The following ASCC1 variants were observed in gnomAD, a reference collection of about 807,000 sequenced individuals.
ASCC1 encodes the protein ASC-1 complex subunit P50.
Under a neutral mutation model 46.6 loss-of-function variants are expected in ASCC1, and 35 were observed. The observed-to-expected ratio is 0.75, with a 90% CI of 0.57 to 0.99. The LOEUF is 0.99. Among genes scored for constraint, ASCC1 ranks in the 50% least tolerant of loss-of-function variants. The pLI, the probability that ASCC1 is intolerant of heterozygous loss-of-function variation, is 0.00. For missense variants in ASCC1, 376 were observed against 428.7 expected (o/e 0.88, Z 1.09); for synonymous variants, 143 against 146.6 (o/e 0.98, Z 0.18).
chr10:72,128,467 G>A (rs1845156848), intron 8 of ASCC1, among the ~76,000 whole-genome samples: 1 of 152,136 alleles, frequency 6.6e-6, no homozygotes, highest in East Asian at 1.9e-4. Context: ...TGTCTCCATT[G>A]TGGACCTTAG....
At chr10:72,212,897 C>A (rs1237749261) in intron 2 of ASCC1, among the ~76,000 whole-genome samples, 1 of 152,006 alleles carries the variant, frequency 6.6e-6, no homozygotes, top group African/African-American at 2.4e-5. Flanking sequence ...TACAACGGAA[C>A]TTAATTTTGT....
chr10:72,106,273 A>G (rs1269742827), intron 9 of ASCC1, among the ~76,000 whole-genome samples: 1 of 151,676 alleles, frequency 6.6e-6, no homozygotes, highest in Non-Finnish European at 1.5e-5. Flanking sequence ...CATGAGATAA[A>G]CCAACCTTTA....
At chr10:72,098,392 G>A (rs1280824024) in intron 9 of ASCC1, among the ~76,000 whole-genome samples, 2 of 152,178 alleles carry the variant, frequency 1.3e-5, no homozygotes, top group Admixed American at 6.5e-5. Flanking sequence ...AGGGTCTCTC[G>A]CTTTGTTGCC....
chr10:72,214,747 A>C (rs1858841028), intron 1 of ASCC1, among the ~76,000 whole-genome samples: 1 of 152,180 alleles, frequency 6.6e-6, no homozygotes, highest in Admixed American at 6.5e-5. Flanking sequence ...CCAGAAAAAA[A>C]AAAGCCCCTA....
intron 3 of ASCC1, chr10:72,204,518 A>G (rs1448636167): frequency 6.5e-7 from 1 of 1,549,218 alleles, no homozygotes; most frequent in Admixed American, 2.0e-5. Context: ...ACCGAATCCC[A>G]AGAGAGAAGT....
Position 72,128,158 on chromosome 10 carries a change from C to T in ASCC1, c.881G>A (p.Arg294Lys). ...GCCTTCCGCTGTGTAGAGATTGTAC[C>T]TGCCTTCAGCTGTAAATATTCCAAA... ...LFRKDPNAEG[R>K]YNLYTAEGKY... The change falls in exon 9 of 10, where the codon AGG becomes AAG. Residue 294 changes from arginine (R) to lysine (K), a missense_variant. Arg to Lys is a conservative substitution (Grantham distance 26). Coordinates refer to ENST00000672957, the MANE Select transcript of ASCC1 (RefSeq NM_001198800.3). The T allele has an allele frequency of 1.9e-6, 3 of 1,612,506 alleles. No individual in the cohort carries two copies. The highest frequency in any genetic ancestry group is 2.5e-6 in the Non-Finnish European group (3 of 1,178,718).
intron 5 of ASCC1, among the ~76,000 whole-genome samples, chr10:72,195,143 T>G (rs1855188767): frequency 9.4e-6 from 1 of 106,574 alleles, no homozygotes; most frequent in African/African-American, 7.6e-5. Context: ...TGCTGTGTTT[T>G]TTTTTTTTTT....
intron 9 of ASCC1, among the ~76,000 whole-genome samples, chr10:72,121,133 G>A (rs1844148540): frequency 6.6e-6 from 1 of 151,830 alleles, no homozygotes; most frequent in Non-Finnish European, 1.5e-5. Flanking sequence ...GTCTATAAGA[G>A]ACCGACTTTT....
At chr10:72,196,672 A>T in intron 5 of ASCC1, 139 bp downstream of exon 5, 1 of 863,318 alleles carries the variant, frequency 1.2e-6, no homozygotes, top group Non-Finnish European at 1.8e-6. Context: ...TCAGTTCAAT[A>T]TAAGAAGCCA....
At chr10:72,169,432 C>A (rs1434276102) in intron 5 of ASCC1, among the ~76,000 whole-genome samples, 1 of 151,818 alleles carries the variant, frequency 6.6e-6, no homozygotes, top group Admixed American at 6.6e-5. Context: ...AGAGCAAGAT[C>A]CTGTCTCAAA....
At position 72,210,899 on chromosome 10, in the gene ASCC1, C is replaced by G. The variant is rs548600690; in HGVS notation, c.113-68G>C. The G allele has an allele frequency of 1.2e-4, 169 of 1,446,618 alleles. No individual in the cohort carries two copies. In the African/African-American group the frequency reaches 2.1e-3, roughly 18 times the overall value. The allele number at this position is 1,446,618 out of a possible 1,614,324, so 89.6% of individuals were successfully genotyped here. ...CTGTGGACAACAGCTTTCGCCTCAG[C>G]TGTCAACCGCTGTTGAGGTTTAAAA... On this transcript the variant is annotated intron_variant, in intron 2 of 9. Transcript: ENST00000672957.
In ASCC1 at chr10:72,115,606, G is replaced by A. The variant is rs1040023643; in HGVS notation, c.957+12476C>T. 3.9e-5 allele frequency among the ~76,000 whole-genome samples: 6 copies of A among 152,282 alleles called. No homozygotes were observed. The South Asian group carries it at 1.2e-3, about 32-fold the overall frequency. ...AAGCCAAGAGAAGAAAGCATTTGAAGGAGAAAAGGGCTTAACACTCTCAGT... is the reference window on the plus strand; with the variant it reads ...AAGCCAAGAGAAGAAAGCATTTGAAAGAGAAAAGGGCTTAACACTCTCAGT... On this transcript the variant is annotated intron_variant, in intron 9 of 9. Transcript: ENST00000672957.
At chr10:72,204,522 G>C in intron 3 of ASCC1, 1 of 1,550,122 alleles carries the variant, frequency 6.5e-7, no homozygotes, top group Non-Finnish European at 8.7e-7. Context: ...AATCCCAAGA[G>C]AGAAGTTTCA....
chr10:72,198,678 A>T, intron 4 of ASCC1: 1 of 456,102 alleles, frequency 2.2e-6, no homozygotes, highest in Non-Finnish European at 4.4e-6. Context: ...AATTTAGGAG[A>T]CACAAAAGAA....
chr10:72,151,021 T>C lies in ASCC1; in HGVS notation c.746+1848A>G, dbSNP rs527335724. Among the ~76,000 whole-genome samples the C allele has an allele frequency of 3.1e-3, 477 of 152,346 alleles. 2 individuals are homozygous for C. The highest frequency in any genetic ancestry group is 0.011 in the African/African-American group (452 of 41,576). On this transcript the variant is annotated intron_variant, in intron 7 of 9. Coordinates refer to ENST00000672957, the MANE Select transcript of ASCC1 (RefSeq NM_001198800.3). ...TGGGAATGTAAACTAGTTCAACCAC[T>C]GTGGAAGACAGTGTGGTGATTCCTC... is the stretch of plus-strand genomic sequence containing the variant.
chr10:72,141,293 T>C (rs1176838685), intron 7 of ASCC1, among the ~76,000 whole-genome samples: 2 of 152,172 alleles, frequency 1.3e-5, no homozygotes, highest in Non-Finnish European at 2.9e-5. Context: ...TTTTAACACA[T>C]AATAATCTAC....
intron 6 of ASCC1, among the ~76,000 whole-genome samples, chr10:72,160,965 C>A (rs1170105334): frequency 6.6e-6 from 1 of 151,766 alleles, no homozygotes; most frequent in African/African-American, 2.4e-5. Flanking sequence ...CGCCTGTAGT[C>A]CCAGCTACTC....
At chr10:72,208,158 G>C (rs1857487174) in intron 3 of ASCC1, among the ~76,000 whole-genome samples, 1 of 151,816 alleles carries the variant, frequency 6.6e-6, no homozygotes, top group Admixed American at 6.6e-5. Flanking sequence ...TATTAATTAG[G>C]ATTTATCAGA....
At chr10:72,172,809 AT>A (rs1417893787) in intron 5 of ASCC1, among the ~76,000 whole-genome samples, 1 of 132,578 alleles carries the variant, frequency 7.5e-6, no homozygotes, top group African/African-American at 2.8e-5. Context: ...ATATTTTTAT[AT>A]TATATATAAT....
Sources: allele counts gnomAD v4.1 joint callset (sites outside exome capture counted in the v4.1 genomes callset), GRCh38; gene constraint gnomAD v4.1.1; transcripts MANE v1.5; gene names NCBI Gene and HGNC (gene_info 2026-07-23, HGNC 2026-07-21).